The following ACYP1 variants were observed in gnomAD, a reference collection of about 807,000 sequenced individuals.
ACYP1 encodes the protein acylphosphatase-1.
ACYP1 carries 8 observed loss-of-function variants against 10.4 expected under a neutral mutation model. That is an observed-to-expected ratio of 0.77 (90% confidence interval 0.45 to 1.38). The LOEUF (loss-of-function observed/expected upper bound fraction) is 1.38. ACYP1 is among the 40% of genes most tolerant of loss of function. The pLI, the probability that ACYP1 is intolerant of heterozygous loss-of-function variation, is 0.00. For missense variants in ACYP1, 93 were observed against 117.3 expected (o/e 0.79, Z 0.96); for synonymous variants, 38 against 40.8 (o/e 0.93, Z 0.26).
upstream of ACYP1, among the ~76,000 whole-genome samples, chr14:75,068,159 C>T (rs906976125): frequency 3.3e-5 from 5 of 151,872 alleles, no homozygotes; most frequent in Admixed American, 1.3e-4. Context: ...GGTGTAGTGG[C>T]AGACGCCTGT....
intron 2 of ACYP1, among the ~76,000 whole-genome samples, chr14:75,061,136 T>G (rs964240309): frequency 1.3e-5 from 2 of 152,050 alleles, no homozygotes; most frequent in Non-Finnish European, 2.9e-5. Flanking sequence ...AGACAGAAAG[T>G]AGGTTAGTGG....
At chr14:75,054,672 G>A (rs866339848) in intron 2 of ACYP1, among the ~76,000 whole-genome samples, 1 of 151,586 alleles carries the variant, frequency 6.6e-6, no homozygotes, top group African/African-American at 2.4e-5. Flanking sequence ...AATGTTTGAT[G>A]AGGAATTTAA....
intron 2 of ACYP1, chr14:75,061,687 C>A: frequency 1.3e-6 from 2 of 1,587,650 alleles, no homozygotes; most frequent in Non-Finnish European, 1.7e-6. Flanking sequence ...AACTTACCTG[C>A]ATAACTGGTA....
chr14:75,057,987 A>AAAAAC, intron 2 of ACYP1, among the ~76,000 whole-genome samples: 1 of 147,580 alleles, frequency 6.8e-6, no homozygotes, highest in Non-Finnish European at 1.5e-5. Flanking sequence ...AAAAAAAAAA[A>AAAAAC]AGAACTACCT....
chr14:75,063,199 C>T (rs866277084), intron 2 of ACYP1: 33 of 429,562 alleles, frequency 7.7e-5, no homozygotes, highest in Admixed American at 6.3e-4. Flanking sequence ...ACTGGGGAAG[C>T]CCTCTATTTC....
chr14:75,058,561 C>A (rs1892941202), intron 2 of ACYP1, among the ~76,000 whole-genome samples: 1 of 151,312 alleles, frequency 6.6e-6, no homozygotes, highest in Non-Finnish European at 1.5e-5. Context: ...AGGGACCTGG[C>A]CCCATTACTC....
chr14:75,063,973 G>T lies in ACYP1; in HGVS notation c.-28C>A. ...GCTCACCCTCCTTGTCTTCCCCACC[G>T]GCTGCCAGGATCACTCCGGGACCAC... On this transcript the variant is annotated 5_prime_UTR_variant, in exon 1 of 3. Transcript: ENST00000238618. 1 of 996,918 alleles carries T rather than the reference G, an allele frequency of 1.0e-6. No homozygotes were observed. The allele number at this position is 996,918 out of a possible 1,614,324, so 61.8% of individuals were successfully genotyped here.
chr14:75,068,604 G>A (rs2139667029), upstream of ACYP1, among the ~76,000 whole-genome samples: 1 of 152,144 alleles, frequency 6.6e-6, no homozygotes, highest in Middle Eastern at 3.4e-3. Flanking sequence ...AAATTCTGCT[G>A]AGGGAAGCTG....
chr14:75,061,719 C>G (rs1046806445), intron 2 of ACYP1: 17 of 1,593,650 alleles, frequency 1.1e-5, no homozygotes, highest in Non-Finnish European at 1.5e-5. Context: ...TGGAACACAG[C>G]TCTTGCTGTG....
chr14:75,061,090 A>G (rs951110419), intron 2 of ACYP1, among the ~76,000 whole-genome samples: 1 of 151,802 alleles, frequency 6.6e-6, no homozygotes, highest in African/African-American at 2.4e-5. Context: ...CAACAACAAC[A>G]ACAACAACAA....
At chr14:75,062,759 C>T (rs565072202) in intron 2 of ACYP1, among the ~76,000 whole-genome samples, 1 of 151,372 alleles carries the variant, frequency 6.6e-6, no homozygotes, top group Non-Finnish European at 1.5e-5. Flanking sequence ...CTACAGAAGG[C>T]AGAGGGTAAA....
chr14:75,066,797 A>G (rs1893149478), upstream of ACYP1, among the ~76,000 whole-genome samples: 1 of 152,174 alleles, frequency 6.6e-6, no homozygotes, highest in African/African-American at 2.4e-5. Context: ...GGTTGCAGTG[A>G]GCTGAGATCG....
At chr14:75,062,809 GC>G (rs895311921) in intron 2 of ACYP1, among the ~76,000 whole-genome samples, 8 of 152,270 alleles carry the variant, frequency 5.3e-5, no homozygotes, top group African/African-American at 1.9e-4. Context: ...GGGAAGATTA[GC>G]CACATTAAAG....
chr14:75,055,973 G>T lies in ACYP1; in HGVS notation c.85-2314C>A, dbSNP rs1023845312. On this transcript the variant is annotated intron_variant, in intron 2 of 2. Transcript: ENST00000238618. ...TTACAAAGATAAAAAGGATAAAAGGGAATTCTATGAACAATTATATGCCAA... is the reference window on the plus strand; with the variant it reads ...TTACAAAGATAAAAAGGATAAAAGGTAATTCTATGAACAATTATATGCCAA... 1.3e-4 allele frequency among the ~76,000 whole-genome samples: 19 copies of T among 151,316 alleles called. 1 individual carries two copies. The highest frequency in any genetic ancestry group is 3.4e-4 in the African/African-American group (14 of 40,870).
chr14:75,068,168 G>A (rs1156320337), upstream of ACYP1, among the ~76,000 whole-genome samples: 3 of 152,028 alleles, frequency 2.0e-5, no homozygotes, highest in East Asian at 1.9e-4. Flanking sequence ...GCAGACGCCT[G>A]TAATCTCAGC....
At chr14:75,069,479 C>G (rs1893246663) in exon 1 of ACYP1, 1 of 497,632 alleles carries the variant, frequency 2.0e-6, no homozygotes, top group Non-Finnish European at 3.5e-6. Context: ...CAGAGTTGGC[C>G]GGACACTGAC....
At chr14:75,060,645 T>C (rs1034109305) in intron 2 of ACYP1, among the ~76,000 whole-genome samples, 4 of 152,216 alleles carry the variant, frequency 2.6e-5, no homozygotes, top group African/African-American at 9.7e-5. Context: ...TGGAATATTA[T>C]TCAGCCATAA....
chr14:75,059,996 T>A lies in ACYP1; in HGVS notation c.84+3474A>T, dbSNP rs1164395779. On this transcript the variant is annotated intron_variant, in intron 2 of 2. Coordinates refer to ENST00000238618, the MANE Select transcript of ACYP1 (RefSeq NM_001107.5). Reference sequence around the variant, plus strand: ...AGTTAGTGTTTAATGAATACAGAGTTTCAGTTTTGCAAGATGAAAAGCGTT... The same window carrying A: ...AGTTAGTGTTTAATGAATACAGAGTATCAGTTTTGCAAGATGAAAAGCGTT... The A allele has an allele frequency of 1.2e-5, 4 of 330,100 alleles. No individual in the cohort carries two copies. In the East Asian group the frequency reaches 1.8e-4, roughly 15 times the overall value. The allele number at this position is 330,100 out of a possible 1,614,324, so 20.4% of individuals were successfully genotyped here. A position where few individuals can be genotyped will look rare whatever the true frequency, so the allele number is the denominator to read the frequency against.
At position 75,053,273 on chromosome 14, in the gene ACYP1, T is replaced by C. The variant is rs1037771383; in HGVS notation, c.*171A>G. The C allele has an allele frequency of 3.9e-5, 25 of 637,602 alleles. No individual in the cohort carries two copies. In the African/African-American group the frequency reaches 4.2e-4, roughly 11 times the overall value. 39.5% of individuals were successfully genotyped at this position (637,602 alleles called of 1,614,324 possible). A position where few individuals can be genotyped will look rare whatever the true frequency, so the allele number is the denominator to read the frequency against. Reference sequence around the variant, plus strand: ...TTCTAACGTTTTTATTGATTAGATTTGTGTACAGTGGTAATCCTTCCATCA... The same window carrying C: ...TTCTAACGTTTTTATTGATTAGATTCGTGTACAGTGGTAATCCTTCCATCA... On this transcript the variant is annotated 3_prime_UTR_variant, in exon 3 of 3. Coordinates refer to ENST00000238618, the MANE Select transcript of ACYP1 (RefSeq NM_001107.5).
Sources: gnomAD v4.1 joint callset for allele counts (sites outside exome capture counted in the v4.1 genomes callset) on GRCh38, gnomAD v4.1.1 for gene constraint, MANE v1.5 for transcripts, NCBI Gene and HGNC (gene_info 2026-07-23, HGNC 2026-07-21) for gene names.